Variants in CADM2 observed in about 807,000 individuals in gnomAD.
CADM2 encodes the protein immunoglobulin superfamily member 4D.
Under a neutral mutation model 49.8 loss-of-function variants are expected in CADM2, and 12 were observed. The ratio of observed to expected loss-of-function variants is 0.24; its 90% CI spans 0.15 to 0.39. The LOEUF (loss-of-function observed/expected upper bound fraction) is 0.39. Among genes scored for constraint, CADM2 ranks in the 10% least tolerant of loss-of-function variants. The pLI is 1.00. For missense variants in CADM2, 378 were observed against 492.3 expected, an observed-to-expected ratio of 0.77 and a Z score of 2.20; for synonymous variants, 214 against 175.4, an observed-to-expected ratio of 1.22 and a Z score of -1.74.
intron 1 of CADM2, among the ~76,000 whole-genome samples, chr3:85,546,931 A>G (rs2061680749): frequency 6.6e-6 from 1 of 152,142 alleles, no homozygotes; most frequent in Non-Finnish European, 1.5e-5. Context: ...ACAGTGTTTT[A>G]TATTTGAAGT....
chr3:85,143,220 T>C (rs2039630128), intron 1 of CADM2, among the ~76,000 whole-genome samples: 1 of 152,192 alleles, frequency 6.6e-6, no homozygotes, highest in South Asian at 2.1e-4. Flanking sequence ...TGGTGGCTCA[T>C]GCCTGTAATC....
intron 8 of CADM2, among the ~76,000 whole-genome samples, chr3:85,983,785 G>A (rs370184704): frequency 2.2e-5 from 3 of 133,760 alleles, no homozygotes; most frequent in African/African-American, 8.0e-5. Context: ...ATATCTATCT[G>A]TCTATCTACC....
chr3:86,014,557 A>G lies in CADM2; in HGVS notation c.971-51048A>G, dbSNP rs1731967023. 3.1e-6 allele frequency: 5 copies of G among 1,593,206 alleles called. No homozygotes were observed. The African/African-American group carries it at 4.0e-5, about 13-fold the overall frequency. On this transcript the variant is annotated intron_variant, in intron 8 of 9. Transcript: ENST00000383699. Reference sequence around the variant, plus strand: ...TCTCAGCTAGCCTCTGAGAGTTACTATAAAGAAACACTAAGTGTCCCAACA... The same window carrying G: ...TCTCAGCTAGCCTCTGAGAGTTACTGTAAAGAAACACTAAGTGTCCCAACA...
intron 1 of CADM2, among the ~76,000 whole-genome samples, chr3:85,453,532 T>C (rs1340248300): frequency 6.6e-6 from 1 of 152,160 alleles, no homozygotes; most frequent in Admixed American, 6.5e-5. Flanking sequence ...ATTATATTTA[T>C]TGTCAATTTT....
intron 1 of CADM2, among the ~76,000 whole-genome samples, chr3:85,367,716 T>C (rs1368735257): frequency 6.6e-6 from 1 of 151,968 alleles, no homozygotes; most frequent in African/African-American, 2.4e-5. Context: ...TTGCCCATTT[T>C]CATCCCTATG....
intron 1 of CADM2, among the ~76,000 whole-genome samples, chr3:85,568,453 TTCTTTCTTTCTCTTTCTCTC>T (rs1576825541): frequency 1.8e-3 from 50 of 27,534 alleles, no homozygotes; most frequent in South Asian, 5.2e-3. Flanking sequence ...CTTTCTTTCT[TTCTTTCTTTCTCTTTCTCTC>T]TCTTTCTTTC....
intron 1 of CADM2, among the ~76,000 whole-genome samples, chr3:85,572,345 T>TA (rs1270174635): frequency 1.3e-5 from 2 of 152,078 alleles, no homozygotes; most frequent in Non-Finnish European, 2.9e-5. Flanking sequence ...AAGCTTTATG[T>TA]AAAAATATAT....
Position 85,495,926 on chromosome 3 carries a change from C to A in CADM2, c.62-230596C>A, listed in dbSNP as rs185493533. 2.2e-4 allele frequency among the ~76,000 whole-genome samples: 34 copies of A among 152,268 alleles called. 3 individuals carry two copies. In the East Asian group the frequency reaches 6.6e-3, roughly 29 times the overall value. On this transcript the variant is annotated intron_variant, in intron 1 of 9. Transcript: ENST00000383699. Reference sequence around the variant, plus strand: ...TTACATTTCCACATGACAACTGGAACAAGTATCCAAACCATATCAGTTATT... The same window carrying A: ...TTACATTTCCACATGACAACTGGAAAAAGTATCCAAACCATATCAGTTATT...
At chr3:85,733,800 A>C (rs183557260) in intron 2 of CADM2, among the ~76,000 whole-genome samples, 284 of 152,232 alleles carry the variant, frequency 1.9e-3, no homozygotes, top group African/African-American at 6.6e-3. Context: ...AACACATCTC[A>C]TCTGAAAGGC....
At chr3:85,316,156 T>C (rs1197156627) in intron 1 of CADM2, among the ~76,000 whole-genome samples, 1 of 152,198 alleles carries the variant, frequency 6.6e-6, no homozygotes, top group Admixed American at 6.5e-5. Context: ...TTTATTAATC[T>C]CTCTGGAAGT....
At chr3:85,404,479 G>C (rs1166932541) in intron 1 of CADM2, among the ~76,000 whole-genome samples, 1 of 152,070 alleles carries the variant, frequency 6.6e-6, no homozygotes, top group Non-Finnish European at 1.5e-5. Context: ...TATTTTCATA[G>C]CCTATGGTGG....
At chr3:85,038,939 G>A (rs982086877) in intron 1 of CADM2, among the ~76,000 whole-genome samples, 1 of 152,166 alleles carries the variant, frequency 6.6e-6, no homozygotes, top group African/African-American at 2.4e-5. Context: ...GAATGGAGGA[G>A]TTTGTATCAA....
At chr3:85,639,690 A>G (rs1361663431) in intron 1 of CADM2, among the ~76,000 whole-genome samples, 2 of 152,162 alleles carry the variant, frequency 1.3e-5, no homozygotes, top group Non-Finnish European at 2.9e-5. Flanking sequence ...AAGTGTTTGT[A>G]TGATGTATTT....
chr3:85,466,806 C>T (rs1215198369), intron 1 of CADM2, among the ~76,000 whole-genome samples: 1 of 151,406 alleles, frequency 6.6e-6, no homozygotes, highest in Non-Finnish European at 1.5e-5. Context: ...TGGATAGTAT[C>T]AGCTGATAGA....
At chr3:85,654,947 A>T (rs1328120359) in intron 1 of CADM2, among the ~76,000 whole-genome samples, 7 of 152,214 alleles carry the variant, frequency 4.6e-5, no homozygotes, top group African/African-American at 1.7e-4. Flanking sequence ...ACTTAGATAT[A>T]ATTAATTCCC....
chr3:85,609,179 G>T (rs1275480899), intron 1 of CADM2, among the ~76,000 whole-genome samples: 1 of 151,884 alleles, frequency 6.6e-6, no homozygotes, highest in Non-Finnish European at 1.5e-5. Context: ...TATAGGAATT[G>T]CTCCAGATTC....
chr3:85,101,285 A>G (rs113423694), intron 1 of CADM2, among the ~76,000 whole-genome samples: 17 of 151,976 alleles, frequency 1.1e-4, no homozygotes, highest in African/African-American at 3.9e-4. Flanking sequence ...AAACAAATCA[A>G]CTTACTAGTT....
chr3:85,364,717 G>T (rs1309892452), intron 1 of CADM2, among the ~76,000 whole-genome samples: 1 of 152,172 alleles, frequency 6.6e-6, no homozygotes, highest in East Asian at 1.9e-4. Flanking sequence ...TTCAAGTTCA[G>T]TTAGGTCAAT....
At chr3:85,403,116 G>GA (rs887698956) in intron 1 of CADM2, among the ~76,000 whole-genome samples, 37 of 151,998 alleles carry the variant, frequency 2.4e-4, no homozygotes, top group African/African-American at 8.2e-4. Context: ...TAAGGTTTAA[G>GA]AAAAAATGAA....
Sources: gnomAD v4.1 joint callset for allele counts (sites outside exome capture counted in the v4.1 genomes callset) on GRCh38, gnomAD v4.1.1 for gene constraint, MANE v1.5 for transcripts, NCBI Gene and HGNC (gene_info 2026-07-23, HGNC 2026-07-21) for gene names.